The following CYB5R3 variants were observed in gnomAD, a reference collection of about 807,000 sequenced individuals.
CYB5R3 encodes the protein cytochrome b5 reductase 3.
CYB5R3 carries 28 observed loss-of-function variants against 36.5 expected under a neutral mutation model. That is an observed-to-expected ratio of 0.77 (90% CI 0.57 to 1.05). CYB5R3 has a LOEUF of 1.05. Ranked by LOEUF, CYB5R3 falls within the 50% of genes least tolerant of loss-of-function variation. The pLI is 0.00. For synonymous variants in CYB5R3, 181 were observed against 159.8 expected (o/e 1.13, Z -1.00); for missense variants, 474 against 408.9 (o/e 1.16, Z -1.37).
Position 42,619,658 on chromosome 22 carries a change from C to T in CYB5R3, c.*115G>A, listed in dbSNP as rs978114511. On this transcript the variant is annotated 3_prime_UTR_variant, in exon 9 of 9. Transcript: ENST00000352397. ...CTCAGCCAGGTGATTCACCAGGGCACGGGCAGGCCAGGCTGAACCCGGGGC... is the reference window on the plus strand; with the variant it reads ...CTCAGCCAGGTGATTCACCAGGGCATGGGCAGGCCAGGCTGAACCCGGGGC... The T allele has an allele frequency of 9.9e-6, 10 of 1,015,158 alleles. No individual in the cohort carries two copies. The highest frequency in any genetic ancestry group is 3.1e-5 in the South Asian group (2 of 64,380). 62.9% of individuals were successfully genotyped at this position (1,015,158 alleles called of 1,614,324 possible).
chr22:42,620,369 A>G (rs1356930697), intron 8 of CYB5R3, among the ~76,000 whole-genome samples: 1 of 152,042 alleles, frequency 6.6e-6, no homozygotes, highest in East Asian at 1.9e-4. Context: ...CAGGATCCAG[A>G]GGTCCCCAGG....
chr22:42,626,933 C>G (rs950916782), intron 7 of CYB5R3, among the ~76,000 whole-genome samples: 2 of 152,180 alleles, frequency 1.3e-5, no homozygotes, highest in Admixed American at 6.5e-5. Flanking sequence ...GGGCTTCGTG[C>G]AAATGTCTGG....
chr22:42,623,973 G>A (rs1271809372), intron 7 of CYB5R3, 85 bp from the exon 8 acceptor site: 15 of 1,188,576 alleles, frequency 1.3e-5, no homozygotes, highest in Admixed American at 3.7e-5. Context: ...CCTCGTCATC[G>A]CGCCCGCCTG....
intron 5 of CYB5R3, 101 bp downstream of exon 5, chr22:42,628,051 C>A (rs1004230406): frequency 2.6e-6 from 4 of 1,511,792 alleles, no homozygotes; most frequent in Non-Finnish European, 3.7e-6. Flanking sequence ...GAGAGTCACC[C>A]ATCCACACAG....
intron 1 of CYB5R3, among the ~76,000 whole-genome samples, chr22:42,647,711 TC>T (rs1929595476): frequency 7.3e-6 from 1 of 137,766 alleles, no homozygotes; most frequent in Admixed American, 7.6e-5. Flanking sequence ...AGAGAGAGAC[TC>T]CATCTCAAAA....
At chr22:42,643,172 A>T (rs952296627) in intron 1 of CYB5R3, among the ~76,000 whole-genome samples, 1 of 151,742 alleles carries the variant, frequency 6.6e-6, no homozygotes, top group African/African-American at 2.4e-5. Context: ...AGGAGTCCCT[A>T]CTCTCCAACA....
chr22:42,645,172 T>C (rs549743100), intron 1 of CYB5R3, among the ~76,000 whole-genome samples: 1 of 152,114 alleles, frequency 6.6e-6, no homozygotes, highest in South Asian at 2.1e-4. Context: ...GGCTGCCGGC[T>C]CCCCACAAGT....
intron 2 of CYB5R3, among the ~76,000 whole-genome samples, chr22:42,634,192 AAAT>A (rs969376197): frequency 1.4e-5 from 2 of 144,946 alleles, no homozygotes; most frequent in African/African-American, 5.3e-5. Flanking sequence ...ACTCTACTAA[AAAT>A]ACAAAAAAAA....
chr22:42,634,672 C>A (rs1928793225), intron 2 of CYB5R3, among the ~76,000 whole-genome samples: 1 of 147,776 alleles, frequency 6.8e-6, no homozygotes, highest in African/African-American at 2.5e-5. Flanking sequence ...GTAGCCCAGG[C>A]TGGAGTGCAG....
intron 8 of CYB5R3, among the ~76,000 whole-genome samples, chr22:42,622,075 A>AC (rs5845548): frequency 0.85 from 129,975 of 152,136 alleles, 56,077 homozygotes; most frequent in East Asian, 1. Flanking sequence ...GGCACGCGAC[A>AC]CACGCCCAGC....
chr22:42,644,310 C>T, intron 1 of CYB5R3: 2 of 685,538 alleles, frequency 2.9e-6, no homozygotes, highest in Non-Finnish European at 5.4e-6. Context: ...CAGGCGGCTC[C>T]ACCCCTCCTC....
At chr22:42,621,183 AGT>A (rs61564405) in intron 8 of CYB5R3, among the ~76,000 whole-genome samples, 2,394 of 147,686 alleles carry the variant, frequency 0.016, 38 homozygotes, top group African/African-American at 0.037. Flanking sequence ...ATTTCTTTTT[AGT>A]GTGTGTGTGT....
intron 1 of CYB5R3, 113 bp downstream of exon 1, chr22:42,649,182 G>A: frequency 5.4e-6 from 2 of 371,068 alleles, no homozygotes; most frequent in Non-Finnish European, 7.8e-6. Context: ...AAGTGGGTGC[G>A]GCCGGGTGCG....
chr22:42,621,220 T>G (rs868263823), intron 8 of CYB5R3, among the ~76,000 whole-genome samples: 6 of 109,614 alleles, frequency 5.5e-5, no homozygotes, highest in Admixed American at 1.7e-4. Flanking sequence ...GTGTGTGTGT[T>G]TTTAAGAGAC....
intron 8 of CYB5R3, among the ~76,000 whole-genome samples, chr22:42,622,733 G>A (rs951315932): frequency 6.6e-6 from 1 of 152,208 alleles, no homozygotes; most frequent in Non-Finnish European, 1.5e-5. Context: ...CATCAGTAGA[G>A]GGCATGCACC....
At chr22:42,623,755 C>G in intron 8 of CYB5R3, 34 bp downstream of exon 8, 1 of 1,568,448 alleles carries the variant, frequency 6.4e-7, no homozygotes, top group Non-Finnish European at 8.8e-7. Context: ...GCTGGCACCT[C>G]CCACCCACCC....
chr22:42,633,437 C>T (rs1332873194), intron 2 of CYB5R3: 1 of 152,240 alleles, frequency 6.6e-6, no homozygotes, highest in Non-Finnish European at 1.5e-5. Context: ...GGAGGTCATA[C>T]CTTACAGAGT....
intron 1 of CYB5R3, among the ~76,000 whole-genome samples, chr22:42,645,834 G>C (rs907380745): frequency 6.6e-6 from 1 of 152,098 alleles, no homozygotes; most frequent in Admixed American, 6.5e-5. Flanking sequence ...GACCATCACC[G>C]TCGGTCAGTC....
intron 5 of CYB5R3, 102 bp downstream of exon 5, chr22:42,628,050 C>T: frequency 4.0e-6 from 6 of 1,507,928 alleles, no homozygotes; most frequent in Non-Finnish European, 5.5e-6. Flanking sequence ...CGAGAGTCAC[C>T]CATCCACACA....
Sources: allele counts gnomAD v4.1 joint callset (sites outside exome capture counted in the v4.1 genomes callset), GRCh38; gene constraint gnomAD v4.1.1; transcripts MANE v1.5; gene names NCBI Gene and HGNC (gene_info 2026-07-23, HGNC 2026-07-21).